ZNF891: variants seen among roughly 807,000 people sequenced by gnomAD.
ZNF891 encodes hCG1646157.
For missense variants in ZNF891, 589 were observed against 632.7 expected (o/e 0.93, Z 0.74); for synonymous variants, 199 against 209.0 (o/e 0.95, Z 0.41).
At position 133,115,648 on chromosome 12, in the gene ZNF891, C is replaced by T. The variant is rs1423054237; in HGVS notation, c.*4636G>A. On this transcript the variant is annotated 3_prime_UTR_variant, in exon 2 of 2. Transcript: ENST00000537226. ...TTTGTTTTGTTTTTTAATAGGATAC[C>T]ATGGCAGCTGCATAGAAAACATACT... is the stretch of plus-strand genomic sequence containing the variant. 1.3e-5 allele frequency: 2 copies of T among 151,826 alleles called. No homozygotes were observed. Among genetic ancestry groups the T allele is most frequent in the African/African-American group, 4.8e-5 (2 of 41,308 alleles). The allele number at this position is 151,826 out of a possible 1,614,324, so 9.4% of individuals were successfully genotyped here.
At chr12:133,123,370 T>A (rs1193113860) in intron 1 of ZNF891, among the ~76,000 whole-genome samples, 1 of 152,158 alleles carries the variant, frequency 6.6e-6, no homozygotes, top group Non-Finnish European at 1.5e-5. Flanking sequence ...TAATTAAGGT[T>A]TTGTGCATGG....
At position 133,121,587 on chromosome 12, in the gene ZNF891, A is replaced by AATTCTCTT. The variant is rs1484881710; in HGVS notation, c.331_332insAAGAGAAT (p.Ile111LysfsTer31). 1.0e-5 allele frequency: 16 copies of AATTCTCTT among 1,536,574 alleles called. No individual in the cohort carries two copies. The Admixed American group carries it at 2.4e-4, about 23-fold the overall frequency. ...AGGTTGAATCTTCTGGTCTGGACAG[A>AATTCTCTT]TGGCTTGGGGAATTCTCTTTTTCAT... is the stretch of plus-strand genomic sequence containing the variant. On this transcript the variant is annotated frameshift_variant, in exon 2 of 2. Coordinates refer to ENST00000537226, the MANE Select transcript of ZNF891 (RefSeq NM_001277291.2). LOFTEE classifies it low-confidence loss of function (END_TRUNC).
Position 133,120,570 on chromosome 12 carries a change from T to C in ZNF891, c.1349A>G (p.His450Arg). 9 of 1,559,806 alleles carry C rather than the reference T, an allele frequency of 5.8e-6. 1 individual carries two copies. The highest frequency in any genetic ancestry group is 4.7e-5 in the South Asian group (4 of 85,336). The change falls in exon 2 of 2, where the codon CAT (histidine) becomes CGT (arginine). Residue 450 changes from histidine (H) to arginine (R), a missense_variant. Coordinates refer to ENST00000537226, the MANE Select transcript of ZNF891 (RefSeq NM_001277291.2). The part of the protein sequence containing the change: ...AFNTSSHLKV[H>R]KKIHTGENVY... The stretch of plus-strand genomic sequence containing the variant: ...ATTCTCTCCGGTATGAATTTTCTTA[T>C]GAACTTTAAGGTGAGAGCTCGTGTT...
Position 133,106,620 on chromosome 12 carries a change from A to T in ZNF891, c.*13664T>A, listed in dbSNP as rs1402749594. On this transcript the variant is annotated 3_prime_UTR_variant, in exon 2 of 2. Transcript: ENST00000537226. ...CCCTATGAATATGAAAATTCATTTAATTACCACTCATTCCTTACTGAACAC... is the reference window on the plus strand; with the variant it reads ...CCCTATGAATATGAAAATTCATTTATTTACCACTCATTCCTTACTGAACAC... The T allele has an allele frequency of 5.6e-6, 9 of 1,602,040 alleles. No homozygotes were observed. The highest frequency in any genetic ancestry group is 5.2e-5 in the Admixed American group (3 of 57,902).
In ZNF891 at chr12:133,120,124, A is replaced by G. The variant is rs1280716023; in HGVS notation, c.*160T>C. On this transcript the variant is annotated 3_prime_UTR_variant, in exon 2 of 2. Coordinates refer to ENST00000537226, the MANE Select transcript of ZNF891 (RefSeq NM_001277291.2). ...TAAAAATACCTAATTCTAAACAGCCATGGATCAAAAAAAGTCATAATTAGT... is the reference window on the plus strand; with the variant it reads ...TAAAAATACCTAATTCTAAACAGCCGTGGATCAAAAAAAGTCATAATTAGT... 3.7e-6 allele frequency: 2 copies of G among 541,172 alleles called. No individual in the cohort carries two copies. Among genetic ancestry groups the G allele is most frequent in the East Asian group, 5.8e-5 (2 of 34,506 alleles). The allele number at this position is 541,172 out of a possible 1,614,324, so 33.5% of individuals were successfully genotyped here.
chr12:133,120,155 C>CGGA lies in ZNF891; in HGVS notation c.*128_*129insTCC. 2.1e-6 allele frequency: 1 copy of CGGA among 480,538 alleles called. No individual in the cohort carries two copies. The highest frequency in any genetic ancestry group is 3.4e-5 in the African/African-American group (1 of 29,116). The allele number at this position is 480,538 out of a possible 1,614,324, so 29.8% of individuals were successfully genotyped here. ...CAAAAAAAGTCATAATTAGTATTTA[C>CGGA]AGAAAATGTTATATTAAAAAAAGAG... is the stretch of plus-strand genomic sequence containing the variant. On this transcript the variant is annotated 3_prime_UTR_variant, in exon 2 of 2. Transcript: ENST00000537226.
chr12:133,112,276 CTTCT>C lies in ZNF891; in HGVS notation c.*8004_*8007del, dbSNP rs1224295827. 5 of 152,058 alleles carry C rather than the reference CTTCT, an allele frequency of 3.3e-5. No homozygotes were observed. Among genetic ancestry groups the C allele is most frequent in the African/African-American group, 1.2e-4 (5 of 41,396 alleles). 9.4% of individuals were successfully genotyped at this position (152,058 alleles called of 1,614,324 possible). A position where few individuals can be genotyped will look rare whatever the true frequency, so the allele number is the denominator to read the frequency against. ...AGCCAGAAGAAGGAGCTCCCTACTCCTTCTTTAACTTCGTATTTCAAGTTAAATG... is the reference window on the plus strand; with the variant it reads ...AGCCAGAAGAAGGAGCTCCCTACTCCTTAACTTCGTATTTCAAGTTAAATG... On this transcript the variant is annotated 3_prime_UTR_variant, in exon 2 of 2. Transcript: ENST00000537226.
intron 1 of ZNF891, among the ~76,000 whole-genome samples, chr12:133,129,092 T>C (rs1955847616): frequency 1.3e-5 from 2 of 152,196 alleles, no homozygotes; most frequent in African/African-American, 2.4e-5. Flanking sequence ...AGTGATAAAA[T>C]AGCATGGGCA....
rs1955551081 is a variant in ZNF891 at position 133,105,303 on chromosome 12, A to G, written c.*14981T>C. Among the ~76,000 whole-genome samples the G allele has an allele frequency of 1.3e-5, 2 of 152,168 alleles. No individual in the cohort carries two copies. Among genetic ancestry groups the G allele is most frequent in the Non-Finnish European group, 2.9e-5 (2 of 68,016 alleles). On this transcript the variant is annotated 3_prime_UTR_variant, in exon 2 of 2. Coordinates refer to ENST00000537226, the MANE Select transcript of ZNF891 (RefSeq NM_001277291.2). ...TGCTCTTTCAATTACTTACGTTTAC[A>G]CTTTCTCTTTATTTACCTATATGTC...
chr12:133,120,145 T>G lies in ZNF891; in HGVS notation c.*139A>C. On this transcript the variant is annotated 3_prime_UTR_variant, in exon 2 of 2. Coordinates refer to ENST00000537226, the MANE Select transcript of ZNF891 (RefSeq NM_001277291.2). The stretch of plus-strand genomic sequence containing the variant: ...AGCCATGGATCAAAAAAAGTCATAA[T>G]TAGTATTTACAGAAAATGTTATATT... The G allele has an allele frequency of 1.7e-6, 1 of 575,520 alleles. No individual in the cohort carries two copies. 35.7% of individuals were successfully genotyped at this position (575,520 alleles called of 1,614,324 possible). A position where few individuals can be genotyped will look rare whatever the true frequency, so the allele number is the denominator to read the frequency against.
chr12:133,121,064 G>T lies in ZNF891; in HGVS notation c.855C>A (p.Asn285Lys). 1 of 1,535,602 alleles carries T rather than the reference G, an allele frequency of 6.5e-7. No homozygotes were observed. Among genetic ancestry groups the T allele is most frequent in the Non-Finnish European group, 8.7e-7 (1 of 1,146,860 alleles). ...HFTHNMFPVP[N>K]NLHMAQNACE... Reference sequence around the variant, plus strand: ...AGGCATTCTGTGCCATATGCAAATTGTTAGGTACAGGAAACATATTATGTG... The same window carrying T: ...AGGCATTCTGTGCCATATGCAAATTTTTAGGTACAGGAAACATATTATGTG... The change falls in exon 2 of 2, where the codon AAC (asparagine) becomes AAA (lysine). Residue 285 changes from asparagine to lysine, a missense_variant. Physicochemically the swap from Asn to Lys is moderately conservative, Grantham distance 94. Transcript: ENST00000537226.
rs113827958 is a variant in ZNF891 at position 133,129,969 on chromosome 12, C to T, written c.-107+258G>A. On this transcript the variant is annotated intron_variant, in intron 1 of 1. Coordinates refer to ENST00000537226, the MANE Select transcript of ZNF891 (RefSeq NM_001277291.2). ...GCGCATCCCCGGCCCCCCAGCGCTCCCTGCGTGGCACCCGCAGCCAGCCCG... is the reference window on the plus strand; with the variant it reads ...GCGCATCCCCGGCCCCCCAGCGCTCTCTGCGTGGCACCCGCAGCCAGCCCG... Among the ~76,000 whole-genome samples the T allele has an allele frequency of 3.4e-3, 525 of 152,284 alleles. 2 individuals are homozygous for T. Among genetic ancestry groups the T allele is most frequent in the Non-Finnish European group, 6.3e-3 (429 of 68,020 alleles).
chr12:133,105,611 C>T lies in ZNF891; in HGVS notation c.*14673G>A. 1.2e-6 allele frequency: 2 copies of T among 1,614,030 alleles called. No homozygotes were observed. Among genetic ancestry groups the T allele is most frequent in the Non-Finnish European group, 1.7e-6 (2 of 1,180,012 alleles). On this transcript the variant is annotated 3_prime_UTR_variant, in exon 2 of 2. Transcript: ENST00000537226. ...CATGGAAAGAATTCTAAGTCAAGGC[C>T]CTGTGTATTCCAGTTTTAAAGGAGG...
chr12:133,110,495 A>G lies in ZNF891; in HGVS notation c.*9789T>C, dbSNP rs1435268816. The G allele has an allele frequency of 6.6e-6, 1 of 152,252 alleles. No homozygotes were observed. Among genetic ancestry groups the G allele is most frequent in the African/African-American group, 2.4e-5 (1 of 41,466 alleles). The allele number at this position is 152,252 out of a possible 1,614,324, so 9.4% of individuals were successfully genotyped here. ...AACAACAGATGCAATCAATATTAGT[A>G]AAGAATAGTCATGGGAGAATGACCA... On this transcript the variant is annotated 3_prime_UTR_variant, in exon 2 of 2. Coordinates refer to ENST00000537226, the MANE Select transcript of ZNF891 (RefSeq NM_001277291.2).
intron 1 of ZNF891, among the ~76,000 whole-genome samples, chr12:133,128,603 C>T (rs914629265): frequency 1.3e-5 from 2 of 152,216 alleles, no homozygotes; most frequent in Middle Eastern, 3.4e-3. Flanking sequence ...CATTGCATTC[C>T]CGCCTGGGCG....
rs1955561261 is a variant in ZNF891 at position 133,105,549 on chromosome 12, A to G, written c.*14735T>C. The G allele has an allele frequency of 6.2e-6, 10 of 1,610,344 alleles. No homozygotes were observed. Among genetic ancestry groups the G allele is most frequent in the Non-Finnish European group, 5.9e-6 (7 of 1,178,896 alleles). ...GGTGAGATCAAAGACTTTTCACCAA[A>G]AAATGTCATTTATGATGACTCATCC... On this transcript the variant is annotated 3_prime_UTR_variant, in exon 2 of 2. Transcript: ENST00000537226.
rs1465164622 is a variant in ZNF891 at position 133,108,733 on chromosome 12, AAC to A, written c.*11549_*11550del. 2.6e-5 allele frequency: 4 copies of A among 152,224 alleles called. No individual in the cohort carries two copies. Among genetic ancestry groups the A allele is most frequent in the Admixed American group, 6.5e-5 (1 of 15,286 alleles). The allele number at this position is 152,224 out of a possible 1,614,324, so 9.4% of individuals were successfully genotyped here. The stretch of plus-strand genomic sequence containing the variant: ...ATCTCCAATTAACCAAAGTGATACA[AAC>A]ACAGTGATTTGGGAATGCCTTCAAT... On this transcript the variant is annotated 3_prime_UTR_variant, in exon 2 of 2. Coordinates refer to ENST00000537226, the MANE Select transcript of ZNF891 (RefSeq NM_001277291.2).
intron 1 of ZNF891, among the ~76,000 whole-genome samples, chr12:133,122,548 A>C (rs539763459): frequency 6.6e-6 from 1 of 152,204 alleles, no homozygotes; most frequent in African/African-American, 2.4e-5. Context: ...GTTCACTTCA[A>C]TGAGAACATA....
At position 133,111,565 on chromosome 12, in the gene ZNF891, CAA is replaced by C. The variant is rs1287632887; in HGVS notation, c.*8717_*8718del. 1 of 152,072 alleles carries C rather than the reference CAA, an allele frequency of 6.6e-6. No homozygotes were observed. Among genetic ancestry groups the C allele is most frequent in the African/African-American group, 2.4e-5 (1 of 41,394 alleles). 9.4% of individuals were successfully genotyped at this position (152,072 alleles called of 1,614,324 possible). ...ATAAATTCTGCATCATGAACACCCT[CAA>C]TATCACAAAGGACAAAATTGCATGG... On this transcript the variant is annotated 3_prime_UTR_variant, in exon 2 of 2. Coordinates refer to ENST00000537226, the MANE Select transcript of ZNF891 (RefSeq NM_001277291.2).
Sources: allele counts gnomAD v4.1 joint callset (sites outside exome capture counted in the v4.1 genomes callset), GRCh38; gene constraint gnomAD v4.1.1; transcripts MANE v1.5; gene names NCBI Gene and HGNC (gene_info 2026-07-23, HGNC 2026-07-21).